CCDC50: variants seen among roughly 807,000 people sequenced by gnomAD.
CCDC50 encodes coiled-coil domain-containing protein 50.
In CCDC50, 54 loss-of-function variants were observed where a neutral mutation model predicts 70.2. The ratio of observed to expected loss-of-function variants is 0.77; its 90% CI spans 0.62 to 0.96. The LOEUF (loss-of-function observed/expected upper bound fraction) is 0.96, where lower values mean the gene tolerates loss of function less well. Among genes scored for constraint, CCDC50 ranks in the 50% least tolerant of loss-of-function variants. The probability of loss-of-function intolerance (pLI) is 0.00; values close to 1 mark genes in which losing one functional copy is unlikely to be tolerated. For missense variants in CCDC50, 558 were observed against 578.7 expected (o/e 0.96, Z 0.37); for synonymous variants, 216 against 198.8 (o/e 1.09, Z -0.73).
chr3:191,388,803 A>G (rs1435284756), intron 10 of CCDC50, among the ~76,000 whole-genome samples: 1 of 152,184 alleles, frequency 6.6e-6, no homozygotes, highest in African/African-American at 2.4e-5. Context: ...CTTTAGTGCA[A>G]ACTTTGAGTA....
intron 10 of CCDC50, among the ~76,000 whole-genome samples, chr3:191,383,490 AAAAAC>A (rs900188848): frequency 6.6e-6 from 1 of 152,152 alleles, no homozygotes; most frequent in Non-Finnish European, 1.5e-5. Flanking sequence ...AAAAGATACT[AAAAAC>A]AAGACAAAAA....
At chr3:191,388,080 A>G (rs1713557843) in intron 10 of CCDC50, among the ~76,000 whole-genome samples, 1 of 152,112 alleles carries the variant, frequency 6.6e-6, no homozygotes, top group Non-Finnish European at 1.5e-5. Flanking sequence ...ATATTGGTAA[A>G]CAAATGATTT....
intron 1 of CCDC50, among the ~76,000 whole-genome samples, chr3:191,331,748 T>A (rs1717993651): frequency 6.6e-6 from 1 of 152,168 alleles, no homozygotes; most frequent in Non-Finnish European, 1.5e-5. Flanking sequence ...AGTGTATCCT[T>A]CCCTAATATA....
intron 1 of CCDC50, among the ~76,000 whole-genome samples, chr3:191,332,286 C>T (rs551372163): frequency 6.6e-6 from 1 of 152,218 alleles, no homozygotes; most frequent in African/African-American, 2.4e-5. Context: ...TTGGACAGAC[C>T]TTTTGAAAAA....
rs145157034 is a variant in CCDC50 at position 191,397,740 on chromosome 3, T to G, written c.*5980T>G. On this transcript the variant is annotated 3_prime_UTR_variant, in exon 12 of 12. Coordinates refer to ENST00000392455, the MANE Select transcript of CCDC50 (RefSeq NM_178335.3). ...TCCTTAGGAAGTGCCCCTTTGATATTTGGAATGTGGATATATTTATAAAAC... is the reference window on the plus strand; with the variant it reads ...TCCTTAGGAAGTGCCCCTTTGATATGTGGAATGTGGATATATTTATAAAAC... 46 of 152,302 alleles carry G rather than the reference T, an allele frequency of 3.0e-4. No homozygotes were observed. The highest frequency in any genetic ancestry group is 1.1e-3 in the African/African-American group (44 of 41,558). 9.4% of individuals were successfully genotyped at this position (152,302 alleles called of 1,614,324 possible).
At position 191,380,833 on chromosome 3, in the gene CCDC50, C is replaced by A. The variant is rs753822249; in HGVS notation, c.1143C>A (p.Ile381=). 7 of 1,612,662 alleles carry A rather than the reference C, an allele frequency of 4.3e-6. No homozygotes were observed. The Admixed American group carries it at 8.4e-5, about 19-fold the overall frequency. Residue 381 remains isoleucine, a synonymous_variant, in exon 9 of 12, where the codon ATC becomes ATA. Transcript: ENST00000392455. ...RAAQVAQDEE[I]ARLLMAEEKK... ...ATTGACTGTATTTTGTTTAGGAAAT[C>A]GCTCGACTTCTAATGGCTGAAGAAA...
At chr3:191,331,901 T>C (rs2108626172) in intron 1 of CCDC50, among the ~76,000 whole-genome samples, 1 of 152,270 alleles carries the variant, frequency 6.6e-6, no homozygotes, top group Admixed American at 6.5e-5. Flanking sequence ...TTGAGAAGGG[T>C]TAGTAGTAGT....
intron 1 of CCDC50, 61 bp from the exon 2 acceptor site, chr3:191,357,027 C>T: frequency 2.8e-6 from 3 of 1,060,448 alleles, no homozygotes; most frequent in African/African-American, 1.6e-5. Context: ...AAATCCTTTC[C>T]TTTGTATGTT....
chr3:191,329,417 T>G lies in CCDC50; in HGVS notation c.-258T>G. ...CCATTTCCGGGCTCCGGATATTTGG[T>G]ATCGATTGGGGCCGGGGACGCGGAG... On this transcript the variant is annotated 5_prime_UTR_variant, in exon 1 of 12. Coordinates refer to ENST00000392455, the MANE Select transcript of CCDC50 (RefSeq NM_178335.3). 5.8e-5 allele frequency: 23 copies of G among 396,332 alleles called. No homozygotes were observed. Among genetic ancestry groups the G allele is most frequent in the East Asian group, 1.4e-4 (3 of 21,022 alleles). The allele number at this position is 396,332 out of a possible 1,614,324, so 24.6% of individuals were successfully genotyped here. A position where few individuals can be genotyped will look rare whatever the true frequency, so the allele number is the denominator to read the frequency against.
rs985071302 is a variant in CCDC50, at chr3:191,396,091, G to T, written c.*4331G>T. On this transcript the variant is annotated 3_prime_UTR_variant, in exon 12 of 12. Coordinates refer to ENST00000392455, the MANE Select transcript of CCDC50 (RefSeq NM_178335.3). ...TCCTGGTATTTAACAACTGTCATTA[G>T]AAATGCTGAAATTTAATTGTAGAGA... The T allele has an allele frequency of 2.6e-5, 4 of 152,146 alleles. No individual in the cohort carries two copies. The highest frequency in any genetic ancestry group is 6.5e-5 in the Admixed American group (1 of 15,268). 9.4% of individuals were successfully genotyped at this position (152,146 alleles called of 1,614,324 possible).
intron 1 of CCDC50, chr3:191,330,276 A>C (rs1449799969): frequency 6.5e-6 from 1 of 152,846 alleles, no homozygotes; most frequent in Non-Finnish European, 1.4e-5. Flanking sequence ...AAGCCACTAT[A>C]AGCATTTTCT....
chr3:191,389,163 T>G (rs1713598197), intron 10 of CCDC50, among the ~76,000 whole-genome samples: 1 of 152,176 alleles, frequency 6.6e-6, no homozygotes, highest in South Asian at 2.1e-4. Flanking sequence ...ATTTTTTCTT[T>G]GACTTGGTAA....
At chr3:191,364,816 A>T (rs1712624970) in intron 4 of CCDC50, among the ~76,000 whole-genome samples, 2 of 151,758 alleles carry the variant, frequency 1.3e-5, no homozygotes, top group South Asian at 4.2e-4. Flanking sequence ...AGAACTCCTC[A>T]CCTTCCCTCC....
At position 191,350,582 on chromosome 3, in the gene CCDC50, T is replaced by C. The variant is rs1368569769; in HGVS notation, c.50-6506T>C. On this transcript the variant is annotated intron_variant, in intron 1 of 11. Transcript: ENST00000392455. ...CAACGGAAAGGAAATGGCTTTTTTT[T>C]CACTTCCTTTTTAGTTTATGTAGAA... is the stretch of plus-strand genomic sequence containing the variant. 2.1e-5 allele frequency among the ~76,000 whole-genome samples: 3 copies of C among 142,112 alleles called. 1 individual carries two copies. The highest frequency in any genetic ancestry group is 7.2e-5 in the Admixed American group (1 of 13,898). The allele number at this position is 142,112 out of a possible 152,430, so 93.2% of individuals were successfully genotyped here.
Position 191,329,498 on chromosome 3 carries a change from C to G in CCDC50, c.-177C>G. ...CAGCTTGGTGCCTCGGGGACCGTCT[C>G]CCGCTGCTTTGGTCACCAGCCCCTG... is the stretch of plus-strand genomic sequence containing the variant. On this transcript the variant is annotated 5_prime_UTR_variant, in exon 1 of 12. Transcript: ENST00000392455. 1.8e-6 allele frequency: 1 copy of G among 548,920 alleles called. No individual in the cohort carries two copies. The highest frequency in any genetic ancestry group is 3.0e-5 in the South Asian group (1 of 33,486). 34.0% of individuals were successfully genotyped at this position (548,920 alleles called of 1,614,324 possible). A position where few individuals can be genotyped will look rare whatever the true frequency, so the allele number is the denominator to read the frequency against.
Position 191,373,150 on chromosome 3 carries a change from G to GA in CCDC50, c.449-1911dup, listed in dbSNP as rs557689834. Among the ~76,000 whole-genome samples the GA allele has an allele frequency of 4.9e-4, 74 of 152,168 alleles. No individual in the cohort carries two copies. The East Asian group carries it at 7.9e-3, about 16-fold the overall frequency. On this transcript the variant is annotated intron_variant, in intron 5 of 11. Coordinates refer to ENST00000392455, the MANE Select transcript of CCDC50 (RefSeq NM_178335.3). ...TAATACCTATGTATGTTTTGGCAGTGAGGGAGTAAGTTATATTTGCCAAAT... is the reference window on the plus strand; with the variant it reads ...TAATACCTATGTATGTTTTGGCAGTGAAGGGAGTAAGTTATATTTGCCAAAT...
At chr3:191,357,008 A>G (rs1560161381) in intron 1 of CCDC50, 80 bp from the exon 2 acceptor site, 3 of 239,546 alleles carry the variant, frequency 1.3e-5, no homozygotes, top group African/African-American at 2.7e-5. Context: ...TTTTTAAAGT[A>G]AAAAAAAAAA....
intron 5 of CCDC50, among the ~76,000 whole-genome samples, chr3:191,372,548 C>G (rs1011088720): frequency 3.9e-5 from 6 of 152,106 alleles, no homozygotes; most frequent in South Asian, 2.1e-4. Context: ...CTCTGTATGC[C>G]TTTGTATATC....
intron 1 of CCDC50, among the ~76,000 whole-genome samples, chr3:191,353,284 A>T (rs995005942): frequency 2.1e-5 from 3 of 142,016 alleles, no homozygotes; most frequent in African/African-American, 7.5e-5. Flanking sequence ...CTATGGTGGG[A>T]AGCTCATTTT....
Sources: allele counts gnomAD v4.1 joint callset (sites outside exome capture counted in the v4.1 genomes callset), GRCh38; gene constraint gnomAD v4.1.1; transcripts MANE v1.5; gene names NCBI Gene and HGNC (gene_info 2026-07-23, HGNC 2026-07-21).